THBS4: variants seen among roughly 807,000 people sequenced by gnomAD.
The protein encoded by THBS4 is thrombospondin 4.
THBS4 carries 90 observed loss-of-function variants against 115.7 expected under a neutral mutation model. The ratio of observed to expected loss-of-function variants is 0.78; its 90% CI spans 0.66 to 0.93. The LOEUF is 0.93. Ranked by LOEUF, THBS4 falls within the 40% of genes least tolerant of loss-of-function variation. The pLI is 0.00. For missense variants in THBS4, 1,087 were observed against 1,232.7 expected, an observed-to-expected ratio of 0.88 and a Z score of 1.77; for synonymous variants, 460 against 479.3, an observed-to-expected ratio of 0.96 and a Z score of 0.53.
At chr5:80,045,531 CTTTTTT>C (rs70982016) in intron 2 of THBS4, among the ~76,000 whole-genome samples, 2 of 135,670 alleles carry the variant, frequency 1.5e-5, no homozygotes, top group Non-Finnish European at 3.2e-5. Flanking sequence ...TTTATGGAGT[CTTTTTT>C]TTTTTTTTTT....
chr5:80,070,816 A>C (rs1208321935), intron 12 of THBS4, 66 bp downstream of exon 12: 1 of 1,583,150 alleles, frequency 6.3e-7, no homozygotes, highest in African/African-American at 1.3e-5. Flanking sequence ...AAAGCCTGTG[A>C]TGTCAACTAT....
intron 12 of THBS4, 104 bp from the exon 13 acceptor site, chr5:80,070,917 A>G (rs1460829340): frequency 1.9e-6 from 3 of 1,587,044 alleles, no homozygotes; most frequent in East Asian, 2.2e-5. Context: ...TGTTTGAAAT[A>G]TAAAACTGAC....
intron 2 of THBS4, among the ~76,000 whole-genome samples, chr5:80,054,159 C>CTTTTTTT (rs757155578): frequency 6.8e-5 from 6 of 88,586 alleles, no homozygotes; most frequent in Non-Finnish European, 1.1e-4. Flanking sequence ...CTTTTCTTTT[C>CTTTTTTT]TTTTTTTTTT....
At chr5:80,075,495 C>T (rs891099538) in intron 15 of THBS4, 3 of 152,186 alleles carry the variant, frequency 2.0e-5, no homozygotes, top group East Asian at 3.8e-4. Flanking sequence ...ATGTCCCTCT[C>T]CTCTTCCGAG....
chr5:80,061,829 G>C lies in THBS4; in HGVS notation c.1122G>C (p.Lys374Asn). 1 of 1,606,642 alleles carries C rather than the reference G, an allele frequency of 6.2e-7. No individual in the cohort carries two copies. Among genetic ancestry groups the C allele is most frequent in the Non-Finnish European group, 8.5e-7 (1 of 1,176,188 alleles). Residue 374 changes from lysine to asparagine, a missense_variant, in exon 8 of 22, where the codon AAG becomes AAC. Around this residue, in one of 3 missense-constraint regions of THBS4, gnomAD observed 979 missense variants for 1,103.7 expected, o/e 0.89. Transcript: ENST00000350881. ...GGATCAGTTTTGCCAAGTCAAACAAGCAGGTAGGCTGAAGTCATGGTTTCT... is the reference window on the plus strand; with the variant it reads ...GGATCAGTTTTGCCAAGTCAAACAACCAGGTAGGCTGAAGTCATGGTTTCT... ...GVGISFAKSN[K>N]QVCTDIDECR...
At chr5:80,051,760 T>C (rs922026299) in intron 2 of THBS4, among the ~76,000 whole-genome samples, 1 of 152,244 alleles carries the variant, frequency 6.6e-6, no homozygotes, top group African/African-American at 2.4e-5. Flanking sequence ...TAACAACATT[T>C]AGTGTGCACC....
intron 2 of THBS4, among the ~76,000 whole-genome samples, chr5:80,043,358 G>T (rs1173839759): frequency 2.0e-5 from 3 of 152,194 alleles, no homozygotes; most frequent in African/African-American, 7.2e-5. Flanking sequence ...ACTCCCCACT[G>T]CAGTGTTCAG....
rs1832848950 is a variant in THBS4 at position 80,040,126 on chromosome 5, G to A, written c.138G>A (p.Leu46=). ...SSSQRLNPGA[L]LPVLTDPALN... ...GTCAGAGGCTAAACCCAGGCGCTCT[G>A]CTGCCAGTCCTGACAGACCCCGCCC... The change falls in exon 2 of 22, where the codon CTG becomes CTA. Residue 46 remains leucine, a synonymous_variant. Coordinates refer to ENST00000350881, the MANE Select transcript of THBS4 (RefSeq NM_003248.6). 2.5e-6 allele frequency: 4 copies of A among 1,613,886 alleles called. No individual in the cohort carries two copies. The highest frequency in any genetic ancestry group is 3.4e-6 in the Non-Finnish European group (4 of 1,180,046).
chr5:79,993,420 A>G (rs1831728164), intron 1 of THBS4, among the ~76,000 whole-genome samples: 1 of 152,208 alleles, frequency 6.6e-6, no homozygotes, highest in South Asian at 2.1e-4. Context: ...TTCAGAAATT[A>G]TGCCTGGTAT....
At chr5:80,040,001 C>A in intron 1 of THBS4, 76 bp from the exon 2 acceptor site, 1 of 1,303,900 alleles carries the variant, frequency 7.7e-7, no homozygotes, top group Non-Finnish European at 1.1e-6. Flanking sequence ...AAATTGCACC[C>A]CCCCCAAACA....
intron 15 of THBS4, 80 bp from the exon 16 acceptor site, chr5:80,076,775 A>C (rs965888529): frequency 7.4e-7 from 1 of 1,348,600 alleles, no homozygotes. Flanking sequence ...AACCTCAAGC[A>C]CAGACTCTCC....
chr5:80,041,984 A>G (rs754723282), intron 2 of THBS4, among the ~76,000 whole-genome samples: 1 of 152,252 alleles, frequency 6.6e-6, no homozygotes, highest in Non-Finnish European at 1.5e-5. Flanking sequence ...TAAAGTTAAA[A>G]GTATAAATGA....
intron 2 of THBS4, among the ~76,000 whole-genome samples, chr5:80,012,289 C>T (rs551140140): frequency 6.6e-6 from 1 of 152,252 alleles, no homozygotes; most frequent in East Asian, 1.9e-4. Flanking sequence ...CAGCCACCAC[C>T]TCTAGGATGA....
chr5:80,070,547 C>T, intron 11 of THBS4, 96 bp from the exon 12 acceptor site: 1 of 1,385,770 alleles, frequency 7.2e-7, no homozygotes. Flanking sequence ...AGTGAAACAG[C>T]CACCAACAAT....
intron 10 of THBS4, 49 bp downstream of exon 10, chr5:80,068,174 A>C (rs1833905225): frequency 1.9e-6 from 3 of 1,603,486 alleles, no homozygotes; most frequent in Non-Finnish European, 1.7e-6. Context: ...TCCATTTTTA[A>C]CACCACCTCT....
At chr5:80,031,522 C>T (rs1349578184), upstream of THBS4, among the ~76,000 whole-genome samples, 1 of 152,200 alleles carries the variant, frequency 6.6e-6, no homozygotes, top group African/African-American at 2.4e-5. Context: ...ATAAATGTGT[C>T]CTGCTCACAC....
Position 80,038,945 on chromosome 5 carries a change from G to A in THBS4, c.89-1132G>A, listed in dbSNP as rs533185490. ...GTTGTATTTACTAATTTTCCAATTC[G>A]ATGGTGAAAACAATACGTTATTGTT... On this transcript the variant is annotated intron_variant, in intron 1 of 21. Transcript: ENST00000350881. Among the ~76,000 whole-genome samples, 7 of 152,236 alleles carry A rather than the reference G, an allele frequency of 4.6e-5. No homozygotes were observed. In the South Asian group the frequency reaches 1.2e-3, roughly 27 times the overall value.
At chr5:80,052,185 G>A (rs1187277641) in intron 2 of THBS4, among the ~76,000 whole-genome samples, 1 of 152,034 alleles carries the variant, frequency 6.6e-6, no homozygotes, top group Non-Finnish European at 1.5e-5. Flanking sequence ...CATATGTTTG[G>A]ACTCAATTTC....
intron 2 of THBS4, among the ~76,000 whole-genome samples, chr5:80,026,432 C>A (rs116444641): frequency 1.3e-3 from 199 of 152,242 alleles, no homozygotes; most frequent in African/African-American, 4.6e-3. Flanking sequence ...ATAATTGAGT[C>A]TAATATTAAT....
Sources: allele counts gnomAD v4.1 joint callset (sites outside exome capture counted in the v4.1 genomes callset), GRCh38; gene constraint gnomAD v4.1.1; regional missense constraint gnomAD v4.1.1; transcripts MANE v1.5; gene names NCBI Gene and HGNC (gene_info 2026-07-23, HGNC 2026-07-21).